The following TPMT variants were observed in gnomAD, a reference collection of about 807,000 sequenced individuals.
TPMT encodes thiopurine S-methyltransferase.
A neutral mutation model predicts 34.2 loss-of-function variants in TPMT; 18 were observed. That is an observed-to-expected ratio of 0.53 (90% CI 0.36 to 0.78). The LOEUF is 0.78. Ranked by LOEUF, TPMT falls within the 30% of genes least tolerant of loss-of-function variation. TPMT has a pLI of 0.00. For missense variants in TPMT, 265 were observed against 288.1 expected, an observed-to-expected ratio of 0.92 and a Z score of 0.58; for synonymous variants, 69 against 92.4, an observed-to-expected ratio of 0.75 and a Z score of 1.45.
At position 18,153,747 on chromosome 6, in the gene TPMT, C is replaced by G. The variant is rs1434490953; in HGVS notation, c.-45+1286G>C. Reference sequence around the variant, plus strand: ...AAAAGCAAAAGAATGTTGCAGTTTTCTCATTTTCATTCAGAAACTCTGGAA... The same window carrying G: ...AAAAGCAAAAGAATGTTGCAGTTTTGTCATTTTCATTCAGAAACTCTGGAA... On this transcript the variant is annotated intron_variant, in intron 1 of 8. Transcript: ENST00000309983. The surrounding 1 kb of genome is among the most constrained non-coding windows in gnomAD (Gnocchi z 4.2). Among the ~76,000 whole-genome samples, 1 of 152,176 alleles carries G rather than the reference C, an allele frequency of 6.6e-6. No individual in the cohort carries two copies. Among genetic ancestry groups the G allele is most frequent in the Non-Finnish European group, 1.5e-5 (1 of 68,028 alleles).
At chr6:18,134,544 T>C (rs1053916538) in intron 6 of TPMT, among the ~76,000 whole-genome samples, 1 of 152,196 alleles carries the variant, frequency 6.6e-6, no homozygotes, top group Non-Finnish European at 1.5e-5. Flanking sequence ...AGTAGGTGCC[T>C]CAGGGAGCCA....
In TPMT at chr6:18,148,521, C is replaced by T. The variant is rs1784290509; in HGVS notation, c.140+467G>A. Among the ~76,000 whole-genome samples, 1 of 152,194 alleles carries T rather than the reference C, an allele frequency of 6.6e-6. No individual in the cohort carries two copies. Among genetic ancestry groups the T allele is most frequent in the Non-Finnish European group, 1.5e-5 (1 of 68,038 alleles). On this transcript the variant is annotated intron_variant, in intron 2 of 8. Coordinates refer to ENST00000309983, the MANE Select transcript of TPMT (RefSeq NM_000367.5). This position sits in a 1 kb window ranked among gnomAD's most constrained non-coding sequence, Gnocchi z 4.1. ...TTTATTGCTGCTATGAAGACTACTA[C>T]TACATTGCACAACATCCTAACTCAC...
rs1784038870 is a variant in TPMT at position 18,136,184 on chromosome 6, C to A, written c.495-2295G>T. Reference sequence around the variant, plus strand: ...CCTCTAAGGAATGGATGATCATCTTCAGGGAGTGGGAAACACCTACAAATT... The same window carrying A: ...CCTCTAAGGAATGGATGATCATCTTAAGGGAGTGGGAAACACCTACAAATT... On this transcript the variant is annotated intron_variant, in intron 6 of 8. Transcript: ENST00000309983. This position sits in a 1 kb window ranked among gnomAD's most constrained non-coding sequence, Gnocchi z 4.7. Among the ~76,000 whole-genome samples, 1 of 151,940 alleles carries A rather than the reference C, an allele frequency of 6.6e-6. No individual in the cohort carries two copies. Among genetic ancestry groups the A allele is most frequent in the Admixed American group, 6.6e-5 (1 of 15,228 alleles).
Position 18,139,812 on chromosome 6 carries a change from G to A in TPMT, c.367-95C>T. ...GGGCCAAGCAAAGCAAAAGTTCTAG[G>A]GAAAGAATGTGTTAATTAAACATAA... On this transcript the variant is annotated intron_variant, in intron 4 of 8. Coordinates refer to ENST00000309983, the MANE Select transcript of TPMT (RefSeq NM_000367.5). The surrounding 1 kb of genome is among the most constrained non-coding windows in gnomAD (Gnocchi z 4.2). 2 of 753,994 alleles carry A rather than the reference G, an allele frequency of 2.7e-6. No homozygotes were observed. Among genetic ancestry groups the A allele is most frequent in the Non-Finnish European group, 4.5e-6 (2 of 447,788 alleles). The allele number at this position is 753,994 out of a possible 1,614,324, so 46.7% of individuals were successfully genotyped here.
intron 6 of TPMT, among the ~76,000 whole-genome samples, chr6:18,137,845 G>A (rs974617291): frequency 2.0e-5 from 3 of 152,152 alleles, no homozygotes; most frequent in African/African-American, 4.8e-5. Flanking sequence ...GAGTGCAATG[G>A]CGCCATCTTG....
intron 6 of TPMT, among the ~76,000 whole-genome samples, chr6:18,134,678 A>G (rs139202551): frequency 2.6e-5 from 4 of 152,320 alleles, no homozygotes; most frequent in Non-Finnish European, 5.9e-5. Flanking sequence ...TTGGAAACTG[A>G]ATTAAGAGAC....
At position 18,138,388 on chromosome 6, in the gene TPMT, T is replaced by G. The variant is rs1024304013; in HGVS notation, c.494+575A>C. ...CTGGGCTCACCCTCCTGCCTCAGCCTCCCAAGTAGCTGGGACTACAAGCAC... is the reference window on the plus strand; with the variant it reads ...CTGGGCTCACCCTCCTGCCTCAGCCGCCCAAGTAGCTGGGACTACAAGCAC... On this transcript the variant is annotated intron_variant, in intron 6 of 8. Coordinates refer to ENST00000309983, the MANE Select transcript of TPMT (RefSeq NM_000367.5). The surrounding 1 kb of genome is among the most constrained non-coding windows in gnomAD (Gnocchi z 4.1). Among the ~76,000 whole-genome samples the G allele has an allele frequency of 6.6e-6, 1 of 151,946 alleles. No individual in the cohort carries two copies. Among genetic ancestry groups the G allele is most frequent in the Non-Finnish European group, 1.5e-5 (1 of 67,990 alleles).
At chr6:18,133,498 T>C (rs536451682) in intron 7 of TPMT, among the ~76,000 whole-genome samples, 13 of 152,348 alleles carry the variant, frequency 8.5e-5, no homozygotes, top group African/African-American at 2.6e-4. Flanking sequence ...CATTCCTCCT[T>C]CTTCCCAATA....
intron 4 of TPMT, among the ~76,000 whole-genome samples, chr6:18,141,185 G>A (rs554389024): frequency 6.6e-6 from 1 of 152,132 alleles, no homozygotes; most frequent in East Asian, 1.9e-4. Context: ...GTGCAGCCTG[G>A]GCGGGGAACT....
intron 3 of TPMT, among the ~76,000 whole-genome samples, chr6:18,147,115 T>C (rs1297915287): frequency 6.6e-6 from 1 of 152,148 alleles, no homozygotes; most frequent in Non-Finnish European, 1.5e-5. Flanking sequence ...TCATACATTC[T>C]TTTTTCTTTC....
Position 18,128,729 on chromosome 6 carries a change from C to A in TPMT, c.*1939G>T, listed in dbSNP as rs1783875967. On this transcript the variant is annotated 3_prime_UTR_variant, in exon 9 of 9. Transcript: ENST00000309983. This position sits in a 1 kb window ranked among gnomAD's most constrained non-coding sequence, Gnocchi z 4.6. The stretch of plus-strand genomic sequence containing the variant: ...CCTTTCTTTTTTTTCTTTTCTTTTT[C>A]TTTCTTTTGAGACAGAGTCTTGCTC... 1 of 151,936 alleles carries A rather than the reference C, an allele frequency of 6.6e-6. No individual in the cohort carries two copies. Among genetic ancestry groups the A allele is most frequent in the African/African-American group, 2.4e-5 (1 of 41,020 alleles). The allele number at this position is 151,936 out of a possible 1,614,324, so 9.4% of individuals were successfully genotyped here. A position where few individuals can be genotyped will look rare whatever the true frequency, so the allele number is the denominator to read the frequency against.
In TPMT at chr6:18,149,246, T is replaced by G. The variant is rs1274282489; in HGVS notation, c.-44-75A>C. The G allele has an allele frequency of 1.6e-6, 2 of 1,263,128 alleles. No homozygotes were observed. The highest frequency in any genetic ancestry group is 1.3e-5 in the South Asian group (1 of 79,328). The allele number at this position is 1,263,128 out of a possible 1,614,324, so 78.2% of individuals were successfully genotyped here. A position where few individuals can be genotyped will look rare whatever the true frequency, so the allele number is the denominator to read the frequency against. ...ATTGATGAACTAAATGAAAACCTAT[T>G]ATTCTTAGCAGTATGACTTTTTAAA... On this transcript the variant is annotated intron_variant, in intron 1 of 8. Transcript: ENST00000309983. The surrounding 1 kb of genome is among the most constrained non-coding windows in gnomAD (Gnocchi z 5.0).
At position 18,147,781 on chromosome 6, in the gene TPMT, CATT is replaced by C. The variant is rs56134683; in HGVS notation, c.233+39_233+41del. ...CTGTTAAATCACCCAAAGAATTCAT[CATT>C]AAGGCAAGATAATTCTGTTAATGTT... On this transcript the variant is annotated intron_variant, in intron 3 of 8. Transcript: ENST00000309983. 482 of 1,554,302 alleles carry C rather than the reference CATT, an allele frequency of 3.1e-4. 5 individuals are homozygous for C. The East Asian group carries it at 8.9e-3, about 29-fold the overall frequency.
At chr6:18,133,777 G>GAA (rs61224942) in intron 7 of TPMT, 27 bp downstream of exon 7, 123,123 of 1,276,482 alleles carry the variant, frequency 0.096, 64 homozygotes, top group Non-Finnish European at 0.11. Context: ...ACTGGTAAAA[G>GAA]AAAAAAAAAA....
Position 18,139,103 on chromosome 6 carries a change from C to T in TPMT, c.420-66G>A, listed in dbSNP as rs1012335019. ...AATCTTTAAGAAGATGAGCAGCGTC[C>T]CCCATGGTGCATGCTGGTACTTCAA... On this transcript the variant is annotated intron_variant, in intron 5 of 8. Transcript: ENST00000309983. The surrounding 1 kb of genome is among the most constrained non-coding windows in gnomAD (Gnocchi z 4.2). The T allele has an allele frequency of 3.7e-6, 5 of 1,342,032 alleles. No homozygotes were observed. Among genetic ancestry groups the T allele is most frequent in the South Asian group, 1.2e-5 (1 of 85,804 alleles). The allele number at this position is 1,342,032 out of a possible 1,614,324, so 83.1% of individuals were successfully genotyped here. A position where few individuals can be genotyped will look rare whatever the true frequency, so the allele number is the denominator to read the frequency against.
chr6:18,147,664 G>A (rs1211157799), intron 3 of TPMT, among the ~76,000 whole-genome samples, 159 bp downstream of exon 3: 1 of 152,070 alleles, frequency 6.6e-6, no homozygotes, highest in African/African-American at 2.4e-5. Context: ...CTTACTGTTT[G>A]AGAATATTAT....
rs1784249130 is a variant in TPMT at position 18,146,408 on chromosome 6, C to T, written c.233+1415G>A. On this transcript the variant is annotated intron_variant, in intron 3 of 8. Coordinates refer to ENST00000309983, the MANE Select transcript of TPMT (RefSeq NM_000367.5). This position sits in a 1 kb window ranked among gnomAD's most constrained non-coding sequence, Gnocchi z 6.2. ...AGAGATGGGTTTTCACCATGTTGGC[C>T]AGGCTGGTCTCGAACTCCTGACCTC... 6.6e-6 allele frequency among the ~76,000 whole-genome samples: 1 copy of T among 152,060 alleles called. No individual in the cohort carries two copies. Among genetic ancestry groups the T allele is most frequent in the African/African-American group, 2.4e-5 (1 of 41,406 alleles).
rs553310427 is a variant in TPMT, at chr6:18,151,601, T to G, written c.-44-2430A>C. On this transcript the variant is annotated intron_variant, in intron 1 of 8. Coordinates refer to ENST00000309983, the MANE Select transcript of TPMT (RefSeq NM_000367.5). ...TTATTTATTTATTTATTTATTTATT[T>G]ATTTATTTATTTATTTATTTGAGGC... Among the ~76,000 whole-genome samples the G allele has an allele frequency of 1.1e-3, 165 of 151,452 alleles. 1 individual carries two copies. Among genetic ancestry groups the G allele is most frequent in the African/African-American group, 3.8e-3 (156 of 41,372 alleles).
chr6:18,135,294 A>G lies in TPMT; in HGVS notation c.495-1405T>C, dbSNP rs1349964253. 2.0e-5 allele frequency among the ~76,000 whole-genome samples: 3 copies of G among 152,188 alleles called. No individual in the cohort carries two copies. The highest frequency in any genetic ancestry group is 6.5e-5 in the Admixed American group (1 of 15,274). ...GAGGGGGATGTCAGACTGGTTTGGT[A>G]GGGTTTCCTAGGACTGAAAGACTTC... On this transcript the variant is annotated intron_variant, in intron 6 of 8. Coordinates refer to ENST00000309983, the MANE Select transcript of TPMT (RefSeq NM_000367.5). This position sits in a 1 kb window ranked among gnomAD's most constrained non-coding sequence, Gnocchi z 5.0.
Sources: allele counts gnomAD v4.1 joint callset (sites outside exome capture counted in the v4.1 genomes callset), GRCh38; gene constraint gnomAD v4.1.1; non-coding constraint Gnocchi (gnomAD v3.1); transcripts MANE v1.5; gene names NCBI Gene and HGNC (gene_info 2026-07-23, HGNC 2026-07-21).